Variants in PDE7B observed in about 807,000 individuals in gnomAD.
PDE7B encodes the protein phosphodiesterase 7B, also known as 3',5'-cyclic-AMP phosphodiesterase 7B.
A neutral mutation model predicts 56.2 loss-of-function variants in PDE7B; 29 were observed. The ratio of observed to expected loss-of-function variants is 0.52; its 90% confidence interval spans 0.38 to 0.70. PDE7B has a LOEUF of 0.70. Ranked by LOEUF, PDE7B falls within the 30% of genes least tolerant of loss-of-function variation. The pLI, the probability that PDE7B is intolerant of heterozygous loss-of-function variation, is 0.00. For missense variants in PDE7B, 490 were observed against 565.0 expected (o/e 0.87, Z 1.35); for synonymous variants, 197 against 196.9 (o/e 1.00, Z 0.00).
chr6:135,866,508 A>G lies in PDE7B; in HGVS notation c.21+14489A>G, dbSNP rs900645366. Among the ~76,000 whole-genome samples the G allele has an allele frequency of 3.9e-5, 6 of 152,194 alleles. No homozygotes were observed. The East Asian group carries it at 1.2e-3, about 29-fold the overall frequency. Reference sequence around the variant, plus strand: ...AAAGTATCATTCTGAGGTTGCTAATAGGCTAGGGAGATCTTAGGTCAAAGA... The same window carrying G: ...AAAGTATCATTCTGAGGTTGCTAATGGGCTAGGGAGATCTTAGGTCAAAGA... On this transcript the variant is annotated intron_variant, in intron 1 of 12. Coordinates refer to ENST00000308191, the MANE Select transcript of PDE7B (RefSeq NM_018945.4).
At chr6:136,008,324 C>T (rs1775825127) in intron 2 of PDE7B, among the ~76,000 whole-genome samples, 4 of 152,112 alleles carry the variant, frequency 2.6e-5, no homozygotes, top group Admixed American at 6.6e-5. Flanking sequence ...AGCAGCATGT[C>T]TTATAATCCT....
chr6:135,994,661 A>G (rs182662173), intron 2 of PDE7B, among the ~76,000 whole-genome samples: 4 of 152,348 alleles, frequency 2.6e-5, no homozygotes, highest in Admixed American at 2.6e-4. Context: ...TTAGAAGACT[A>G]ATGAATCTCA....
intron 2 of PDE7B, among the ~76,000 whole-genome samples, chr6:135,954,016 T>C (rs1774746492): frequency 6.6e-6 from 1 of 152,204 alleles, no homozygotes; most frequent in Non-Finnish European, 1.5e-5. Flanking sequence ...TTTCTTACTC[T>C]GCCCAAAGAG....
intron 1 of PDE7B, among the ~76,000 whole-genome samples, chr6:135,879,361 C>T (rs1047288063): frequency 1.3e-5 from 2 of 151,910 alleles, no homozygotes; most frequent in African/African-American, 4.8e-5. Flanking sequence ...AAAAGAAAAA[C>T]TCCAACCAGT....
chr6:135,874,716 T>C (rs1364124017), intron 1 of PDE7B, among the ~76,000 whole-genome samples: 1 of 152,198 alleles, frequency 6.6e-6, no homozygotes, highest in Non-Finnish European at 1.5e-5. Context: ...AAACAGTGAT[T>C]ATATGTAGTC....
At chr6:135,977,399 C>G (rs1343284529) in intron 2 of PDE7B, among the ~76,000 whole-genome samples, 2 of 152,110 alleles carry the variant, frequency 1.3e-5, no homozygotes, top group African/African-American at 4.8e-5. Context: ...CCCAGCTCCA[C>G]CCATGAAACT....
At chr6:135,926,971 A>T (rs1025501490) in intron 1 of PDE7B, among the ~76,000 whole-genome samples, 2 of 152,170 alleles carry the variant, frequency 1.3e-5, no homozygotes, top group African/African-American at 4.8e-5. Flanking sequence ...TCATGTTCTT[A>T]TTAAATATTC....
intron 2 of PDE7B, among the ~76,000 whole-genome samples, chr6:136,049,600 G>A (rs1776589305): frequency 6.6e-6 from 1 of 152,216 alleles, no homozygotes; most frequent in African/African-American, 2.4e-5. Flanking sequence ...ACCCAGGAAG[G>A]TTCTGTGATG....
intron 2 of PDE7B, chr6:136,095,923 AT>A (rs1362003410): frequency 1.3e-5 from 2 of 152,246 alleles, no homozygotes; most frequent in African/African-American, 4.8e-5. Flanking sequence ...CTATAGAAAT[AT>A]ATGTTACTGT....
At chr6:135,892,413 A>G (rs1056102172) in intron 1 of PDE7B, among the ~76,000 whole-genome samples, 1 of 152,184 alleles carries the variant, frequency 6.6e-6, no homozygotes, top group African/African-American at 2.4e-5. Context: ...CATTATTTTT[A>G]TAGCTAATGC....
chr6:136,065,673 C>T (rs912800882), intron 2 of PDE7B, among the ~76,000 whole-genome samples: 2 of 152,050 alleles, frequency 1.3e-5, no homozygotes, highest in African/African-American at 4.8e-5. Flanking sequence ...GGTATACAAC[C>T]GTATATCAAT....
At position 135,997,782 on chromosome 6, in the gene PDE7B, A is replaced by G. The variant is rs1775592070; in HGVS notation, c.82+50258A>G. Among the ~76,000 whole-genome samples the G allele has an allele frequency of 2.0e-5, 3 of 152,330 alleles. No homozygotes were observed. The South Asian group carries it at 6.2e-4, about 32-fold the overall frequency. On this transcript the variant is annotated intron_variant, in intron 2 of 12. Coordinates refer to ENST00000308191, the MANE Select transcript of PDE7B (RefSeq NM_018945.4). Reference sequence around the variant, plus strand: ...AGGAGAACACAAGATGGTATAAATGATACAATATCAACTATGTAATATATA... The same window carrying G: ...AGGAGAACACAAGATGGTATAAATGGTACAATATCAACTATGTAATATATA...
chr6:135,943,252 A>T (rs1184643259), intron 1 of PDE7B, among the ~76,000 whole-genome samples: 6 of 152,172 alleles, frequency 3.9e-5, no homozygotes, highest in Admixed American at 1.3e-4. Flanking sequence ...TGATACTGTG[A>T]TGTAGATTAT....
Position 135,865,019 on chromosome 6 carries a change from C to G in PDE7B, c.21+13000C>G, listed in dbSNP as rs527266309. On this transcript the variant is annotated intron_variant, in intron 1 of 12. Coordinates refer to ENST00000308191, the MANE Select transcript of PDE7B (RefSeq NM_018945.4). The stretch of plus-strand genomic sequence containing the variant: ...AGTGTTCTCATTGTTCAATTCCCAC[C>G]TGTGAGTGAGAACATGCAATGTTTG... Among the ~76,000 whole-genome samples the G allele has an allele frequency of 3.0e-4, 44 of 149,084 alleles. No homozygotes were observed. In the South Asian group the frequency reaches 9.3e-3, roughly 32 times the overall value.
chr6:135,977,772 G>A (rs78106653), intron 2 of PDE7B, among the ~76,000 whole-genome samples: 1,621 of 152,210 alleles, frequency 0.011, 28 homozygotes, highest in African/African-American at 0.036. Context: ...TCTTCAAAGT[G>A]TCCCTGACTT....
intron 2 of PDE7B, among the ~76,000 whole-genome samples, chr6:135,987,175 G>C (rs113500696): frequency 1.3e-5 from 2 of 152,138 alleles, no homozygotes; most frequent in Admixed American, 1.3e-4. Context: ...TAGATGACAC[G>C]CCTTGAGGAG....
chr6:135,895,253 C>T (rs944556335), intron 1 of PDE7B, among the ~76,000 whole-genome samples: 2 of 152,124 alleles, frequency 1.3e-5, no homozygotes, highest in Admixed American at 6.6e-5. Flanking sequence ...TGGGCATCCA[C>T]GAATAATGAT....
chr6:136,089,629 T>C (rs1224951257), intron 2 of PDE7B, among the ~76,000 whole-genome samples: 4 of 152,232 alleles, frequency 2.6e-5, no homozygotes, highest in Non-Finnish European at 5.9e-5. Context: ...ATTTTCCGAA[T>C]GTTGAAAAAC....
rs1465694850 is a variant in PDE7B, at chr6:136,193,915, T to A, written c.*2075T>A. 2 of 152,192 alleles carry A rather than the reference T, an allele frequency of 1.3e-5. No individual in the cohort carries two copies. The highest frequency in any genetic ancestry group is 2.9e-5 in the Non-Finnish European group (2 of 68,030). The allele number at this position is 152,192 out of a possible 1,614,324, so 9.4% of individuals were successfully genotyped here. A position where few individuals can be genotyped will look rare whatever the true frequency, so the allele number is the denominator to read the frequency against. Reference sequence around the variant, plus strand: ...AAGATCTTATGAAATAGGTGGATGGTAAGTTGAAATTATTGATGTGGGTAA... The same window carrying A: ...AAGATCTTATGAAATAGGTGGATGGAAAGTTGAAATTATTGATGTGGGTAA... On this transcript the variant is annotated 3_prime_UTR_variant, in exon 13 of 13. Transcript: ENST00000308191.
Sources: allele counts gnomAD v4.1 joint callset (sites outside exome capture counted in the v4.1 genomes callset), GRCh38; gene constraint gnomAD v4.1.1; transcripts MANE v1.5; gene names NCBI Gene and HGNC (gene_info 2026-07-23, HGNC 2026-07-21).